Variants in MAGI1 observed in about 807,000 individuals in gnomAD.
MAGI1 encodes membrane-associated guanylate kinase, WW and PDZ domain-containing protein 1.
A neutral mutation model predicts 139.9 loss-of-function variants in MAGI1; 58 were observed. The observed-to-expected ratio is 0.41, with a 90% CI of 0.34 to 0.52. The LOEUF is 0.52. MAGI1 is among the 20% of genes least tolerant of loss of function. The probability of loss-of-function intolerance (pLI) is 0.12; values close to 1 mark genes in which losing one functional copy is unlikely to be tolerated. For missense variants in MAGI1, 1,874 were observed against 1,901.6 expected, an observed-to-expected ratio of 0.99 and a Z score of 0.27; for synonymous variants, 812 against 737.9, an observed-to-expected ratio of 1.10 and a Z score of -1.63.
intron 1 of MAGI1, among the ~76,000 whole-genome samples, chr3:65,918,914 G>A (rs1292018076): frequency 1.3e-5 from 2 of 151,442 alleles, no homozygotes; most frequent in African/African-American, 4.9e-5. Context: ...CTCAAGGAAG[G>A]ATAATAATCC....
At chr3:65,493,459 C>T in intron 3 of MAGI1, 53 bp downstream of exon 3, 1 of 1,609,810 alleles carries the variant, frequency 6.2e-7, no homozygotes, top group Non-Finnish European at 8.5e-7. Flanking sequence ...GGCTCTGGCT[C>T]CTCTCAAGTA....
chr3:65,929,310 A>C (rs1008379742), intron 1 of MAGI1, among the ~76,000 whole-genome samples: 1 of 152,072 alleles, frequency 6.6e-6, no homozygotes, highest in Non-Finnish European at 1.5e-5. Flanking sequence ...AAAATTGACA[A>C]AAACTCAGTC....
At chr3:65,914,592 C>T (rs2061813800) in intron 1 of MAGI1, among the ~76,000 whole-genome samples, 3 of 152,196 alleles carry the variant, frequency 2.0e-5, no homozygotes, top group Admixed American at 2.0e-4. Flanking sequence ...CAGGTGCAGT[C>T]CAAATCCAGC....
At position 65,869,814 on chromosome 3, in the gene MAGI1, G is replaced by C. The variant is rs191197582; in HGVS notation, c.313+168182C>G. ...AATGAAATGAGGATCCTGGCCGCTTGGTGTCTCACATTCCTCACCTGCAAT... is the reference window on the plus strand; with the variant it reads ...AATGAAATGAGGATCCTGGCCGCTTCGTGTCTCACATTCCTCACCTGCAAT... On this transcript the variant is annotated intron_variant, in intron 1 of 22. Transcript: ENST00000402939. Among the ~76,000 whole-genome samples the C allele has an allele frequency of 3.9e-3, 596 of 152,204 alleles. 2 individuals carry two copies. Among genetic ancestry groups the C allele is most frequent in the Non-Finnish European group, 5.4e-3 (370 of 68,020 alleles).
chr3:65,503,558 G>A (rs931820888), intron 2 of MAGI1, among the ~76,000 whole-genome samples: 1 of 152,184 alleles, frequency 6.6e-6, no homozygotes, highest in African/African-American at 2.4e-5. Context: ...TCAACAGCAG[G>A]TGTGTAAAGA....
rs549667495 is a variant in MAGI1, at chr3:65,762,942, T to C, written c.314-140854A>G. ...ACAACTTTATATACAAGGATATTCA[T>C]TGCAACATAATCTGGAACCAATAAT... On this transcript the variant is annotated intron_variant, in intron 1 of 22. Transcript: ENST00000402939. 6.4e-4 allele frequency among the ~76,000 whole-genome samples: 98 copies of C among 152,272 alleles called. 1 individual carries two copies. Among genetic ancestry groups the C allele is most frequent in the South Asian group, 1.2e-3 (6 of 4,832 alleles).
At chr3:65,455,516 G>C (rs1321205399) in intron 5 of MAGI1, among the ~76,000 whole-genome samples, 3 of 152,058 alleles carry the variant, frequency 2.0e-5, no homozygotes, top group Admixed American at 2.0e-4. Context: ...TTCAAAACCA[G>C]CCTGGACAAT....
At chr3:65,984,241 C>A (rs2065750556) in intron 1 of MAGI1, among the ~76,000 whole-genome samples, 1 of 152,130 alleles carries the variant, frequency 6.6e-6, no homozygotes, top group African/African-American at 2.4e-5. Context: ...TTGCAGTGAG[C>A]CAAGATTGTG....
intron 3 of MAGI1, among the ~76,000 whole-genome samples, chr3:65,493,098 T>C (rs1368429787): frequency 2.0e-5 from 3 of 150,818 alleles, no homozygotes; most frequent in Non-Finnish European, 4.4e-5. Flanking sequence ...AAAAAAAAGT[T>C]TGCTTTATGA....
intron 1 of MAGI1, among the ~76,000 whole-genome samples, chr3:65,789,737 C>T (rs2039634492): frequency 1.3e-5 from 2 of 152,036 alleles, no homozygotes; most frequent in Admixed American, 6.6e-5. Context: ...CAATTAGGGA[C>T]CTAAAACTGA....
At chr3:65,962,793 C>T (rs920077175) in intron 1 of MAGI1, among the ~76,000 whole-genome samples, 4 of 136,624 alleles carry the variant, frequency 2.9e-5, no homozygotes, top group African/African-American at 5.7e-5. Flanking sequence ...CCACTGTATT[C>T]CAGCCTGGGC....
At chr3:65,508,724 A>G (rs1189675335) in intron 2 of MAGI1, among the ~76,000 whole-genome samples, 5 of 152,278 alleles carry the variant, frequency 3.3e-5, no homozygotes, top group Non-Finnish European at 7.3e-5. Flanking sequence ...TTTCATTAAA[A>G]GGAAATGGAT....
intron 12 of MAGI1, among the ~76,000 whole-genome samples, chr3:65,404,152 T>A (rs1446933941): frequency 6.6e-6 from 1 of 152,252 alleles, no homozygotes; most frequent in African/African-American, 2.4e-5. Flanking sequence ...GGGACTCATT[T>A]AAGGAGACTT....
At chr3:65,592,370 G>A (rs2082009813) in intron 2 of MAGI1, among the ~76,000 whole-genome samples, 1 of 152,100 alleles carries the variant, frequency 6.6e-6, no homozygotes, top group Non-Finnish European at 1.5e-5. Flanking sequence ...ATGCAAAGGG[G>A]AGTTAATAGA....
At chr3:65,765,106 A>G (rs893624645) in intron 1 of MAGI1, among the ~76,000 whole-genome samples, 2 of 152,226 alleles carry the variant, frequency 1.3e-5, no homozygotes, top group South Asian at 4.1e-4. Flanking sequence ...AAGTCAATGG[A>G]TGGCACCTAA....
intron 1 of MAGI1, among the ~76,000 whole-genome samples, chr3:65,731,487 T>C (rs1237365927): frequency 4.0e-5 from 5 of 125,164 alleles, no homozygotes; most frequent in Non-Finnish European, 9.1e-5. Flanking sequence ...GCCCTATCTC[T>C]TAAAAAAAAA....
chr3:65,956,397 G>C (rs1482521438), intron 1 of MAGI1, among the ~76,000 whole-genome samples: 1 of 152,174 alleles, frequency 6.6e-6, no homozygotes, highest in African/African-American at 2.4e-5. Context: ...TTGGACCTTG[G>C]TGTGTGAGAT....
At chr3:65,813,806 G>A (rs1242848152) in intron 1 of MAGI1, among the ~76,000 whole-genome samples, 2 of 152,120 alleles carry the variant, frequency 1.3e-5, no homozygotes, top group African/African-American at 4.8e-5. Context: ...CATATTAATG[G>A]AGTGGTTCCC....
chr3:65,609,440 A>G (rs1277994191), intron 2 of MAGI1, among the ~76,000 whole-genome samples: 2 of 151,334 alleles, frequency 1.3e-5, no homozygotes, highest in African/African-American at 2.4e-5. Flanking sequence ...ACCATGCCCA[A>G]TTAATTTTTT....
Sources: gnomAD v4.1 joint callset for allele counts (sites outside exome capture counted in the v4.1 genomes callset) on GRCh38, gnomAD v4.1.1 for gene constraint, MANE v1.5 for transcripts, NCBI Gene and HGNC (gene_info 2026-07-23, HGNC 2026-07-21) for gene names.